CEP57L1: variants seen among roughly 807,000 people sequenced by gnomAD.
CEP57L1 encodes centrosomal protein 57 like 1, also known as centrosomal protein CEP57L1.
In CEP57L1, 37 loss-of-function variants were observed where a neutral mutation model predicts 61.0. The ratio of observed to expected loss-of-function variants is 0.61; its 90% CI spans 0.47 to 0.80. The LOEUF (loss-of-function observed/expected upper bound fraction) is 0.80, where lower values mean the gene tolerates loss of function less well. CEP57L1 is among the 30% of genes least tolerant of loss of function. The probability of loss-of-function intolerance (pLI) is 0.00; values close to 1 mark genes in which losing one functional copy is unlikely to be tolerated. For synonymous variants in CEP57L1, 137 were observed against 162.3 expected (o/e 0.84, Z 1.19); for missense variants, 422 against 524.7 (o/e 0.80, Z 1.91).
At position 109,167,618 on chromosome 6, in the gene CEP57L1, G is replaced by T. The variant is rs531185293; in HGVS notation, c.*4648G>T. On this transcript the variant is annotated 3_prime_UTR_variant, in exon 11 of 11. Transcript: ENST00000517392. ...CTTGAACCTGGGAGGCAGAGGTTGC[G>T]GTGAGCCGAGATTGTGCCACTGCAC... Among the ~76,000 whole-genome samples, 1 of 151,942 alleles carries T rather than the reference G, an allele frequency of 6.6e-6. No individual in the cohort carries two copies. The highest frequency in any genetic ancestry group is 2.4e-5 in the African/African-American group (1 of 41,430).
At chr6:109,140,196 G>A (rs1211760267) in intron 1 of CEP57L1, among the ~76,000 whole-genome samples, 2 of 151,844 alleles carry the variant, frequency 1.3e-5, no homozygotes, top group Admixed American at 6.6e-5. Flanking sequence ...GGGTTCAAGC[G>A]ATTCTCCTCC....
At chr6:109,118,224 A>T (rs1170669814) in intron 1 of CEP57L1, among the ~76,000 whole-genome samples, 2 of 152,174 alleles carry the variant, frequency 1.3e-5, no homozygotes, top group Admixed American at 1.3e-4. Flanking sequence ...TTTAGTAGAG[A>T]CAGGGTTTCA....
At chr6:109,160,523 T>C (rs1235525388) in intron 9 of CEP57L1, 49 bp from the exon 10 acceptor site, 2 of 1,401,578 alleles carry the variant, frequency 1.4e-6, no homozygotes, top group South Asian at 1.4e-5. Context: ...GGCAAAGAAA[T>C]ATATGCAATA....
intron 3 of CEP57L1, among the ~76,000 whole-genome samples, 185 bp downstream of exon 3, chr6:109,147,122 C>T (rs1206636034): frequency 1.3e-5 from 2 of 152,038 alleles, no homozygotes; most frequent in Admixed American, 6.6e-5. Flanking sequence ...TTACCTCTAT[C>T]ATATCTTACT....
At chr6:109,102,002 G>A (rs1335059229) in intron 1 of CEP57L1, among the ~76,000 whole-genome samples, 1 of 152,154 alleles carries the variant, frequency 6.6e-6, no homozygotes, top group Admixed American at 6.5e-5. Flanking sequence ...ACCTTTGCCA[G>A]GATTTGGTGG....
chr6:109,108,712 A>G (rs1404748383), intron 1 of CEP57L1, among the ~76,000 whole-genome samples: 1 of 152,198 alleles, frequency 6.6e-6, no homozygotes, highest in African/African-American at 2.4e-5. Context: ...CAATTTTACC[A>G]TCTCATTTAT....
At chr6:109,101,616 C>CTTTTTCT (rs1782412121) in intron 1 of CEP57L1, among the ~76,000 whole-genome samples, 3 of 126,526 alleles carry the variant, frequency 2.4e-5, no homozygotes, top group African/African-American at 5.5e-5. Context: ...TTTTCTTTTT[C>CTTTTTCT]TTTTTTCTTT....
chr6:109,155,178 G>A, intron 5 of CEP57L1, 52 bp from the exon 6 acceptor site: 1 of 1,117,898 alleles, frequency 8.9e-7, no homozygotes, highest in Non-Finnish European at 1.3e-6. Flanking sequence ...AGAAACAAAT[G>A]ATATTTGGCT....
chr6:109,105,017 C>G lies in CEP57L1; in HGVS notation c.-4+9442C>G, dbSNP rs577074880. 3.5e-4 allele frequency among the ~76,000 whole-genome samples: 53 copies of G among 152,180 alleles called. No individual in the cohort carries two copies. In the East Asian group the frequency reaches 9.6e-3, roughly 28 times the overall value. On this transcript the variant is annotated intron_variant, in intron 1 of 10. Transcript: ENST00000517392. Reference sequence around the variant, plus strand: ...CTTTTAGCTATTCGTGTTTTCTTGTCTTTTAACTTCCATTGTACCTTTTGT... The same window carrying G: ...CTTTTAGCTATTCGTGTTTTCTTGTGTTTTAACTTCCATTGTACCTTTTGT...
rs1211429581 is a variant in CEP57L1, at chr6:109,159,281, C to T, written c.835C>T (p.Arg279Cys). The change falls in exon 9 of 11, where the codon CGT becomes TGT. Residue 279 changes from arginine (R) to cysteine (C), a missense_variant. Physicochemically the swap from Arg to Cys is radical, Grantham distance 180. Transcript: ENST00000517392. ...PFVAEKMRQH[R>C]DPHILQKPFN... ...AAACTTTTTGCAGATGAGGCAACAT[C>T]GTGACCCACATATCCTTCAGAAACC... 4 of 1,614,070 alleles carry T rather than the reference C, an allele frequency of 2.5e-6. No individual in the cohort carries two copies. The highest frequency in any genetic ancestry group is 3.4e-6 in the Non-Finnish European group (4 of 1,179,982).
At chr6:109,099,437 T>C (rs1341925360) in intron 1 of CEP57L1, among the ~76,000 whole-genome samples, 1 of 152,218 alleles carries the variant, frequency 6.6e-6, no homozygotes, top group Non-Finnish European at 1.5e-5. Flanking sequence ...GGATTCATAA[T>C]TGACCAGTAC....
intron 1 of CEP57L1, among the ~76,000 whole-genome samples, chr6:109,104,146 T>C (rs977421375): frequency 3.3e-5 from 5 of 151,892 alleles, no homozygotes; most frequent in African/African-American, 1.2e-4. Context: ...ATAGAAGATA[T>C]CTTACTATCT....
At chr6:109,158,816 G>A in intron 7 of CEP57L1, 1 of 584,810 alleles carries the variant, frequency 1.7e-6, no homozygotes, top group Non-Finnish European at 3.0e-6. Context: ...ATATTTCACT[G>A]TAATTTTAAC....
intron 1 of CEP57L1, among the ~76,000 whole-genome samples, chr6:109,124,077 A>G (rs920475824): frequency 8.1e-5 from 12 of 148,830 alleles, no homozygotes; most frequent in Non-Finnish European, 1.6e-4. Flanking sequence ...CTCTGTCTCA[A>G]AAAAAAAAAA....
chr6:109,104,099 A>G (rs1375144726), intron 1 of CEP57L1, among the ~76,000 whole-genome samples: 1 of 151,518 alleles, frequency 6.6e-6, no homozygotes, highest in African/African-American at 2.4e-5. Context: ...CTCTTGGCAC[A>G]GTCATATATT....
chr6:109,127,802 T>A (rs1244503898), intron 1 of CEP57L1, among the ~76,000 whole-genome samples: 13 of 150,984 alleles, frequency 8.6e-5, no homozygotes, highest in East Asian at 1.9e-4. Context: ...TTTTTTTTTT[T>A]AATTTTTAGT....
chr6:109,115,936 G>A (rs1165540304), intron 1 of CEP57L1, among the ~76,000 whole-genome samples: 1 of 151,984 alleles, frequency 6.6e-6, no homozygotes, highest in Non-Finnish European at 1.5e-5. Flanking sequence ...CAGATATGAA[G>A]AATATACTAT....
intron 1 of CEP57L1, among the ~76,000 whole-genome samples, chr6:109,141,128 C>T (rs1771328217): frequency 6.6e-6 from 1 of 151,930 alleles, no homozygotes; most frequent in African/African-American, 2.4e-5. Context: ...CCGCGCCCAG[C>T]TGCGTTTTCT....
intron 3 of CEP57L1, among the ~76,000 whole-genome samples, chr6:109,148,323 G>C (rs919282633): frequency 8.6e-5 from 13 of 151,062 alleles, no homozygotes; most frequent in Admixed American, 4.0e-4. Flanking sequence ...CTGTGTCCAT[G>C]TGTTCTCATT....
Sources: allele counts gnomAD v4.1 joint callset (sites outside exome capture counted in the v4.1 genomes callset), GRCh38; gene constraint gnomAD v4.1.1; transcripts MANE v1.5; gene names NCBI Gene and HGNC (gene_info 2026-07-23, HGNC 2026-07-21).